COL5A3: variants seen among roughly 807,000 people sequenced by gnomAD.
COL5A3 encodes the protein collagen alpha-3(V) chain.
In COL5A3, 172 loss-of-function variants were observed where a neutral mutation model predicts 250.0. The ratio of observed to expected loss-of-function variants is 0.69; its 90% CI spans 0.61 to 0.78. The LOEUF (loss-of-function observed/expected upper bound fraction) is 0.78, where lower values mean the gene tolerates loss of function less well. COL5A3 is among the 30% of genes least tolerant of loss of function. The pLI is 0.00. For synonymous variants in COL5A3, 937 were observed against 900.4 expected (o/e 1.04, Z -0.73); for missense variants, 2,340 against 2,334.4 (o/e 1.00, Z -0.05).
At chr19:9,981,622 A>T (rs2087010576) in intron 32 of COL5A3, among the ~76,000 whole-genome samples, 1 of 152,222 alleles carries the variant, frequency 6.6e-6, no homozygotes, top group Non-Finnish European at 1.5e-5. Context: ...GTTACAATAC[A>T]CACATAGCAA....
chr19:9,960,843 C>T lies in COL5A3; in HGVS notation c.4899G>A (p.Leu1633=), dbSNP rs62638756. 2,777 of 1,611,840 alleles carry T rather than the reference C, an allele frequency of 1.7e-3. 31 individuals are homozygous for T. In the African/African-American group the frequency reaches 0.032, roughly 19 times the overall value. ...ADGSPVNVVQ[L]NFLKLLSATA... ...TGGCACTCAGCAGTTTCAGGAAGTT[C>T]AGCTGCACGACATTCACTGGGGACC... The change falls in exon 66 of 67, where the codon CTG becomes CTA. Residue 1633 remains leucine (L), a synonymous_variant. Coordinates refer to ENST00000264828, the MANE Select transcript of COL5A3 (RefSeq NM_015719.4).
chr19:9,968,827 CA>C lies in COL5A3; in HGVS notation c.4153-100del. The C allele has an allele frequency of 9.3e-7, 1 of 1,069,652 alleles. No homozygotes were observed. The highest frequency in any genetic ancestry group is 1.4e-6 in the Non-Finnish European group (1 of 720,206). 66.3% of individuals were successfully genotyped at this position (1,069,652 alleles called of 1,614,324 possible). On this transcript the variant is annotated intron_variant, in intron 57 of 66. Coordinates refer to ENST00000264828, the MANE Select transcript of COL5A3 (RefSeq NM_015719.4). The surrounding 1 kb of genome is among the most constrained non-coding windows in gnomAD (Gnocchi z 4.1). Reference sequence around the variant, plus strand: ...GTCAAATGGGAAATTATGCAGATTTCAAATGGGAATTACCAGGGATGAGGTC... The same window carrying C: ...GTCAAATGGGAAATTATGCAGATTTCAATGGGAATTACCAGGGATGAGGTC...
intron 27 of COL5A3, among the ~76,000 whole-genome samples, chr19:9,986,994 T>C (rs567478084): frequency 6.6e-6 from 1 of 152,254 alleles, no homozygotes; most frequent in Admixed American, 6.5e-5. Context: ...AAGTAAGCGA[T>C]TCCCATCTCC....
Position 9,960,487 on chromosome 19 carries a change from T to C in COL5A3, c.5162A>G (p.Asp1721Gly). The C allele has an allele frequency of 6.2e-7, 1 of 1,614,084 alleles. No individual in the cohort carries two copies. The highest frequency in any genetic ancestry group is 1.3e-5 in the African/African-American group (1 of 75,000). Residue 1721 changes from aspartate to glycine, a missense_variant, in exon 67 of 67, where the codon GAT becomes GGT. Transcript: ENST00000264828. ...SSRAGFLPLW[D>G]VAATDFGQTN... Reference sequence around the variant, plus strand: ...CTGGCCAAAGTCAGTGGCCGCCACATCCCACAGGGGCAGAAATCCCGCTCG... The same window carrying C: ...CTGGCCAAAGTCAGTGGCCGCCACACCCCACAGGGGCAGAAATCCCGCTCG...
chr19:9,991,092 A>G (rs1482634039), intron 24 of COL5A3, among the ~76,000 whole-genome samples: 2 of 152,124 alleles, frequency 1.3e-5, no homozygotes, highest in Non-Finnish European at 2.9e-5. Context: ...GAAAAGAAAA[A>G]TTAGCCAGGC....
intron 8 of COL5A3, among the ~76,000 whole-genome samples, chr19:9,999,469 C>CTTTTTTTTTTTTTTTTTTTTTT (rs530527039): frequency 4.2e-5 from 5 of 120,398 alleles, no homozygotes; most frequent in Non-Finnish European, 4.9e-5. Flanking sequence ...TTTCTTTTTT[C>CTTTTTTTTTTTTTTTTTTTTTT]TTTTTTTTTT....
In COL5A3 at chr19:9,960,851, C is replaced by T. The variant is rs766344995; in HGVS notation, c.4891G>A (p.Val1631Met). 1.4e-5 allele frequency: 22 copies of T among 1,611,022 alleles called. No individual in the cohort carries two copies. The highest frequency in any genetic ancestry group is 4.5e-5 in the East Asian group (2 of 44,880). ...AGCAGTTTCAGGAAGTTCAGCTGCA[C>T]GACATTCACTGGGGACCCGTCGGCG... ...VDADGSPVNV[V>M]QLNFLKLLSA... is the part of the protein sequence containing the mutation. Residue 1631 changes from valine to methionine, a missense_variant, in exon 66 of 67, where the codon GTG (valine) becomes ATG (methionine). By Grantham distance (21) the Val-to-Met change is conservative. Around this residue, in one of 3 missense-constraint regions of COL5A3, gnomAD observed 1,179 missense variants for 1,162.6 expected, o/e 1.01. Coordinates refer to ENST00000264828, the MANE Select transcript of COL5A3 (RefSeq NM_015719.4).
rs879452824 is a variant in COL5A3 at position 9,967,787 on chromosome 19, G to A, written c.4404+117C>T. On this transcript the variant is annotated intron_variant, in intron 61 of 66. Transcript: ENST00000264828. ...CGTAGGTGTTGAATAAATATTTGTC[G>A]AACGCACGATTGCATGAATAAATAA... 209 of 1,033,926 alleles carry A rather than the reference G, an allele frequency of 2.0e-4. 1 individual carries two copies. The highest frequency in any genetic ancestry group is 2.3e-4 in the Non-Finnish European group (162 of 718,864). 64.0% of individuals were successfully genotyped at this position (1,033,926 alleles called of 1,614,324 possible).
chr19:9,972,760 C>T (rs559475813), intron 51 of COL5A3, among the ~76,000 whole-genome samples, 159 bp downstream of exon 51: 68 of 152,156 alleles, frequency 4.5e-4, no homozygotes, highest in Middle Eastern at 3.4e-3. Context: ...CGCTTGAACC[C>T]GGAAGACGGA....
In COL5A3 at chr19:9,968,583, C is replaced by CA; in HGVS notation, c.4206+91dup. On this transcript the variant is annotated intron_variant, in intron 58 of 66. Coordinates refer to ENST00000264828, the MANE Select transcript of COL5A3 (RefSeq NM_015719.4). The surrounding 1 kb of genome is among the most constrained non-coding windows in gnomAD (Gnocchi z 4.1). ...AGCCTTAGGGTGATGAGTTTGGGAG[C>CA]AGAGGATGCACCAATCTCCCAGCCC... is the stretch of plus-strand genomic sequence containing the variant. 1 of 1,574,224 alleles carries CA rather than the reference C, an allele frequency of 6.4e-7. No individual in the cohort carries two copies. The highest frequency in any genetic ancestry group is 8.7e-7 in the Non-Finnish European group (1 of 1,149,260).
At chr19:10,005,084 C>T (rs1490582591) in intron 4 of COL5A3, among the ~76,000 whole-genome samples, 2 of 152,138 alleles carry the variant, frequency 1.3e-5, no homozygotes, top group Non-Finnish European at 2.9e-5. Context: ...TGGCCAGGCG[C>T]GGTGGCTCAT....
chr19:9,966,063 C>T (rs987139415), intron 64 of COL5A3, among the ~76,000 whole-genome samples: 2 of 152,064 alleles, frequency 1.3e-5, no homozygotes, highest in African/African-American at 4.8e-5. Context: ...AACTCCTGAC[C>T]TCAAGCGATC....
At position 9,973,602 on chromosome 19, in the gene COL5A3, C is replaced by T. The variant is rs959351312; in HGVS notation, c.3634G>A (p.Asp1212Asn). 5 of 1,612,908 alleles carry T rather than the reference C, an allele frequency of 3.1e-6. No homozygotes were observed. In the Admixed American group the frequency reaches 8.3e-5, roughly 27 times the overall value. ...CCTGGGGCTCCTGGAGGCCCTGGGT[C>T]TCCAGCGTCCCCTCGCTCACCCTGC... ...GEKGERGDAG[D>N]PGPPGAPGIP... is the part of the protein sequence containing the mutation. Residue 1212 changes from aspartate to asparagine, a missense_variant, in exon 50 of 67, where the codon GAC becomes AAC. Asp to Asn is a conservative substitution (Grantham distance 23). This residue lies in a region of COL5A3 where 1,179 missense variants were observed against 1,162.6 expected (regional missense o/e 1.01). Coordinates refer to ENST00000264828, the MANE Select transcript of COL5A3 (RefSeq NM_015719.4).
intron 8 of COL5A3, among the ~76,000 whole-genome samples, chr19:9,999,469 C>CTTTTTTTTTTTTTTTTTTTTT (rs530527039): frequency 2.5e-5 from 3 of 120,400 alleles, no homozygotes; most frequent in African/African-American, 6.8e-5. Context: ...TTTCTTTTTT[C>CTTTTTTTTTTTTTTTTTTTTT]TTTTTTTTTT....
rs367979156 is a variant in COL5A3 at position 9,960,869 on chromosome 19, C to T, written c.4873G>A (p.Gly1625Arg). Residue 1625 changes from glycine (G) to arginine (R), a missense_variant, in exon 66 of 67, where the codon GGG (glycine) becomes AGG (arginine). Coordinates refer to ENST00000264828, the MANE Select transcript of COL5A3 (RefSeq NM_015719.4). The part of the protein sequence containing the change: ...GKKFSYVDAD[G>R]SPVNVVQLNF... ...AGCTGCACGACATTCACTGGGGACC[C>T]GTCGGCGTCCACGTAGGAGAACTGG... 21 of 1,607,572 alleles carry T rather than the reference C, an allele frequency of 1.3e-5. No homozygotes were observed. The highest frequency in any genetic ancestry group is 1.1e-5 in the South Asian group (1 of 91,076).
At chr19:9,973,169 G>T (rs558501509) in intron 50 of COL5A3, 143 bp from the exon 51 acceptor site, 11 of 689,748 alleles carry the variant, frequency 1.6e-5, no homozygotes, top group Admixed American at 1.5e-4. Flanking sequence ...AAGGGTCAAA[G>T]GTCAGAAGGA....
Position 9,960,247 on chromosome 19 carries a change from C to T in COL5A3, c.*164G>A. Reference sequence around the variant, plus strand: ...CCCTTGGGCCAGGGAACCCCAGCCCCCAGCACCCTGGAAAGGAGAAGGAAT... The same window carrying T: ...CCCTTGGGCCAGGGAACCCCAGCCCTCAGCACCCTGGAAAGGAGAAGGAAT... On this transcript the variant is annotated 3_prime_UTR_variant, in exon 67 of 67. Coordinates refer to ENST00000264828, the MANE Select transcript of COL5A3 (RefSeq NM_015719.4). 1 of 884,190 alleles carries T rather than the reference C, an allele frequency of 1.1e-6. No individual in the cohort carries two copies. Among genetic ancestry groups the T allele is most frequent in the Non-Finnish European group, 1.7e-6 (1 of 585,430 alleles). The allele number at this position is 884,190 out of a possible 1,614,324, so 54.8% of individuals were successfully genotyped here.
intron 8 of COL5A3, among the ~76,000 whole-genome samples, chr19:9,999,101 TGCC>T (rs1468386714): frequency 2.6e-5 from 4 of 151,758 alleles, no homozygotes; most frequent in Admixed American, 2.6e-4. Flanking sequence ...GTCACTCTAT[TGCC>T]CAGGCAGGCT....
chr19:9,974,937 AC>A (rs1232042802), intron 45 of COL5A3, among the ~76,000 whole-genome samples: 1 of 151,980 alleles, frequency 6.6e-6, no homozygotes, highest in African/African-American at 2.4e-5. Context: ...TCACTCTGTC[AC>A]CCAGGCTGGA....
Sources: allele counts gnomAD v4.1 joint callset (sites outside exome capture counted in the v4.1 genomes callset), GRCh38; gene constraint gnomAD v4.1.1; regional missense constraint gnomAD v4.1.1; non-coding constraint Gnocchi (gnomAD v3.1); transcripts MANE v1.5; gene names NCBI Gene and HGNC (gene_info 2026-07-23, HGNC 2026-07-21).